OPRM1: variants seen among roughly 807,000 people sequenced by gnomAD.
OPRM1 encodes the protein mu-type opioid receptor.
OPRM1 carries 27 observed loss-of-function variants against 31.8 expected under a neutral mutation model. The observed-to-expected ratio is 0.85, with a 90% CI of 0.63 to 1.17. The LOEUF (loss-of-function observed/expected upper bound fraction) is 1.17. Ranked by LOEUF, OPRM1 falls within the 50% of genes most tolerant of loss-of-function variation. The probability of loss-of-function intolerance (pLI) is 0.00; values close to 1 mark genes in which losing one functional copy is unlikely to be tolerated. For missense variants in OPRM1, 536 were observed against 511.1 expected, an observed-to-expected ratio of 1.05 and a Z score of -0.47; for synonymous variants, 196 against 189.9, an observed-to-expected ratio of 1.03 and a Z score of -0.26.
chr6:154,064,185 A>G (rs1784920513), intron 1 of OPRM1, among the ~76,000 whole-genome samples: 1 of 152,118 alleles, frequency 6.6e-6, no homozygotes, highest in African/African-American at 2.4e-5. Flanking sequence ...GAATGTGAGG[A>G]GGTGTCTCAC....
At chr6:154,199,832 A>G (rs1276311719) in intron 3 of OPRM1, 1 of 1,614,230 alleles carries the variant, frequency 6.2e-7, no homozygotes, top group Non-Finnish European at 8.5e-7. Context: ...CTCTGAGGGT[A>G]CAGGTGAATG....
intron 1 of OPRM1, among the ~76,000 whole-genome samples, chr6:154,019,182 CTTTTTTT>C (rs34786795): frequency 7.9e-6 from 1 of 126,914 alleles, no homozygotes; most frequent in Non-Finnish European, 1.7e-5. Context: ...CCCTGTTGTG[CTTTTTTT>C]TTTTTTTTGG....
At chr6:154,177,600 C>T (rs371716616) in intron 3 of OPRM1, among the ~76,000 whole-genome samples, 85 of 152,272 alleles carry the variant, frequency 5.6e-4, no homozygotes, top group African/African-American at 7.9e-4. Context: ...TACCATCTCA[C>T]GCCAGTTAGA....
At chr6:154,246,502 A>G in intron 3 of OPRM1, 12 of 1,418,362 alleles carry the variant, frequency 8.5e-6, no homozygotes, top group Non-Finnish European at 1.1e-5. Context: ...CCCAGAAATC[A>G]AAATGAACTT....
In OPRM1 at chr6:154,126,736, A is replaced by G. The variant is rs1234297062; in HGVS notation, c.*8015A>G. Among the ~76,000 whole-genome samples the G allele has an allele frequency of 6.6e-6, 1 of 152,188 alleles. No homozygotes were observed. The highest frequency in any genetic ancestry group is 1.9e-4 in the East Asian group (1 of 5,196). ...GCTCAGTGACAGGTGTACAGCCTTC[A>G]GTAATGCCTCAAAGGTTCTCCAAGC... On this transcript the variant is annotated 3_prime_UTR_variant, in exon 4 of 4. Coordinates refer to ENST00000330432, the MANE Select transcript of OPRM1 (RefSeq NM_000914.5).
chr6:154,084,422 G>GAC (rs148703564), intron 1 of OPRM1, among the ~76,000 whole-genome samples: 5,312 of 150,920 alleles, frequency 0.035, 275 homozygotes, highest in African/African-American at 0.12. Flanking sequence ...CAGACAGACA[G>GAC]ACACACACAC....
At chr6:154,207,264 A>G (rs1483878239) in intron 3 of OPRM1, among the ~76,000 whole-genome samples, 1 of 152,222 alleles carries the variant, frequency 6.6e-6, no homozygotes, top group Non-Finnish European at 1.5e-5. Flanking sequence ...CAAAAATATA[A>G]ACACGAATTT....
At position 154,091,379 on chromosome 6, in the gene OPRM1, T is replaced by G. The variant is rs1215268308; in HGVS notation, c.1071T>G (p.Ser357=). 6.2e-7 allele frequency: 1 copy of G among 1,614,160 alleles called. No homozygotes were observed. The highest frequency in any genetic ancestry group is 2.2e-5 in the East Asian group (1 of 44,888). ...RCFREFCIPT[S]SNIEQQNSTR... ...TCAGAGAGTTCTGTATCCCAACCTCTTCCAACATTGAGCAACAAAACTCCA... is the reference window on the plus strand; with the variant it reads ...TCAGAGAGTTCTGTATCCCAACCTCGTCCAACATTGAGCAACAAAACTCCA... The change falls in exon 3 of 4, where the codon TCT becomes TCG. Residue 357 remains serine, a synonymous_variant. Transcript: ENST00000330432.
intron 3 of OPRM1, among the ~76,000 whole-genome samples, chr6:154,231,068 A>C (rs1389765698): frequency 6.6e-6 from 1 of 152,148 alleles, no homozygotes; most frequent in Non-Finnish European, 1.5e-5. Flanking sequence ...CAAAACCCCC[A>C]GGGCACTGGA....
At chr6:154,195,748 T>C (rs935849402) in intron 3 of OPRM1, among the ~76,000 whole-genome samples, 1 of 152,022 alleles carries the variant, frequency 6.6e-6, no homozygotes, top group African/African-American at 2.4e-5. Context: ...CTCAGCCCAT[T>C]AGGTGTTAAC....
chr6:154,213,272 A>C (rs1384993527), intron 3 of OPRM1: 2 of 191,978 alleles, frequency 1.0e-5, no homozygotes, highest in Non-Finnish European at 2.2e-5. Flanking sequence ...CTGAGGGAGC[A>C]GGCTGGGCCA....
intron 1 of OPRM1, among the ~76,000 whole-genome samples, chr6:154,015,210 A>G (rs1777936313): frequency 6.6e-6 from 1 of 152,100 alleles, no homozygotes; most frequent in South Asian, 2.1e-4. Context: ...AAAAAAGCAA[A>G]CATATGGAGA....
At chr6:154,217,355 G>A (rs35264257) in intron 3 of OPRM1, 10,366 of 151,786 alleles carry the variant, frequency 0.068, 425 homozygotes, top group African/African-American at 0.1. Context: ...ATATATATGA[G>A]CTCCCTCTGC....
Position 154,128,847 on chromosome 6 carries a change from C to G in OPRM1, c.*10126C>G, listed in dbSNP as rs899691126. Among the ~76,000 whole-genome samples, 1 of 152,196 alleles carries G rather than the reference C, an allele frequency of 6.6e-6. No individual in the cohort carries two copies. The highest frequency in any genetic ancestry group is 1.5e-5 in the Non-Finnish European group (1 of 68,032). On this transcript the variant is annotated 3_prime_UTR_variant, in exon 4 of 4. Transcript: ENST00000330432. ...TAAAAACTAGTATTGTTTCTTCTAG[C>G]TCTGTTTTTGCATAGTGCACAGAGA...
At chr6:154,040,085 A>T (rs1162152170) in intron 1 of OPRM1, among the ~76,000 whole-genome samples, 2 of 152,158 alleles carry the variant, frequency 1.3e-5, no homozygotes, top group Non-Finnish European at 2.9e-5. Flanking sequence ...TAAAAGCTAC[A>T]AATGTCTAGG....
chr6:154,163,661 G>A (rs1013244986), intron 3 of OPRM1, among the ~76,000 whole-genome samples: 3 of 152,132 alleles, frequency 2.0e-5, no homozygotes, highest in Non-Finnish European at 4.4e-5. Flanking sequence ...GACATTCGTT[G>A]AATACTTGTT....
chr6:154,099,532 AAGAG>A (rs754360971), intron 3 of OPRM1, among the ~76,000 whole-genome samples: 5 of 150,724 alleles, frequency 3.3e-5, no homozygotes, highest in East Asian at 2.0e-4. Context: ...AGAAAGAGGA[AAGAG>A]AGAGAGGGAG....
At chr6:154,223,560 C>G (rs199762291) in intron 3 of OPRM1, among the ~76,000 whole-genome samples, 4 of 151,802 alleles carry the variant, frequency 2.6e-5, no homozygotes, top group Non-Finnish European at 5.9e-5. Context: ...GCTAACCCAA[C>G]AGTCATGTCT....
chr6:154,235,225 A>G (rs1269920609), intron 3 of OPRM1, among the ~76,000 whole-genome samples: 1 of 152,234 alleles, frequency 6.6e-6, no homozygotes, highest in African/African-American at 2.4e-5. Flanking sequence ...ATTCTCTTTG[A>G]ATATTAGAGA....
Sources: allele counts gnomAD v4.1 joint callset (sites outside exome capture counted in the v4.1 genomes callset), GRCh38; gene constraint gnomAD v4.1.1; transcripts MANE v1.5; gene names NCBI Gene and HGNC (gene_info 2026-07-23, HGNC 2026-07-21).